The following TBC1D5 variants were observed in gnomAD, a reference collection of about 807,000 sequenced individuals.
The protein encoded by TBC1D5 is TBC1 domain family, member 5.
In TBC1D5, 75 loss-of-function variants were observed where a neutral mutation model predicts 100.3. The observed-to-expected ratio is 0.75, with a 90% confidence interval of 0.62 to 0.91. The LOEUF is 0.91. Ranked by LOEUF, TBC1D5 falls within the 40% of genes least tolerant of loss-of-function variation. TBC1D5 has a pLI of 0.00. For missense variants in TBC1D5, 910 were observed against 942.4 expected (o/e 0.97, Z 0.45); for synonymous variants, 323 against 325.6 (o/e 0.99, Z 0.09).
intron 18 of TBC1D5, among the ~76,000 whole-genome samples, chr3:17,199,493 T>C (rs1391229119): frequency 2.6e-5 from 4 of 152,248 alleles, no homozygotes; most frequent in Non-Finnish European, 4.4e-5. Flanking sequence ...TGAATAACAG[T>C]TGCATGTAGA....
chr3:17,322,928 G>A (rs754603155), intron 13 of TBC1D5, among the ~76,000 whole-genome samples: 6 of 152,324 alleles, frequency 3.9e-5, no homozygotes, highest in Non-Finnish European at 7.4e-5. Flanking sequence ...AGGTGCCATC[G>A]TGCCTTAGCA....
exon 7 of TBC1D5, chr3:17,404,761 G>A: frequency 1.2e-6 from 2 of 1,605,868 alleles, no homozygotes; most frequent in Non-Finnish European, 1.7e-6. Flanking sequence ...CCTCGGGTTG[G>A]TAATATGCTA....
At chr3:17,492,681 C>A (rs2095654008) in intron 3 of TBC1D5, among the ~76,000 whole-genome samples, 2 of 152,182 alleles carry the variant, frequency 1.3e-5, no homozygotes, top group African/African-American at 4.8e-5. Flanking sequence ...AGTGATCTGT[C>A]AACTTTGGCC....
chr3:17,405,854 C>A lies in TBC1D5; in HGVS notation c.276+564G>T, dbSNP rs535013427. 4.6e-5 allele frequency among the ~76,000 whole-genome samples: 7 copies of A among 151,964 alleles called. No individual in the cohort carries two copies. The South Asian group carries it at 1.0e-3, about 23-fold the overall frequency. ...CCTAAATAAATTCATGTTTAGAAAA[C>A]AAAAACAAATAATATTTCAAAGCAA... On this transcript the variant is annotated intron_variant, in intron 5 of 21. Transcript: ENST00000253692.
At chr3:17,235,137 A>T (rs898842727) in intron 17 of TBC1D5, among the ~76,000 whole-genome samples, 11 of 152,166 alleles carry the variant, frequency 7.2e-5, no homozygotes, top group African/African-American at 2.7e-4. Flanking sequence ...TCATTTTAAC[A>T]TTAAATATCA....
At chr3:17,534,733 G>C (rs1355561883) in intron 2 of TBC1D5, among the ~76,000 whole-genome samples, 1 of 152,148 alleles carries the variant, frequency 6.6e-6, no homozygotes, top group Admixed American at 6.6e-5. Flanking sequence ...TCCCATGTAG[G>C]AATCAGATAT....
At chr3:17,695,626 T>G (rs542857082) in intron 1 of TBC1D5, among the ~76,000 whole-genome samples, 1 of 152,162 alleles carries the variant, frequency 6.6e-6, no homozygotes, top group Admixed American at 6.5e-5. Flanking sequence ...CAAAGAGACT[T>G]AGACTCCCAC....
intron 1 of TBC1D5, among the ~76,000 whole-genome samples, chr3:17,659,358 C>T (rs370547915): frequency 6.6e-6 from 1 of 151,446 alleles, no homozygotes; most frequent in African/African-American, 2.4e-5. Flanking sequence ...TAAGATCTAA[C>T]CAGAATAAGA....
intron 1 of TBC1D5, among the ~76,000 whole-genome samples, chr3:17,644,959 T>C (rs1007118654): frequency 2.0e-5 from 3 of 151,844 alleles, no homozygotes; most frequent in African/African-American, 4.9e-5. Context: ...AAAACACTCT[T>C]GGTCTAAAGC....
chr3:17,594,335 A>G (rs932606652), intron 2 of TBC1D5, among the ~76,000 whole-genome samples: 1 of 152,192 alleles, frequency 6.6e-6, no homozygotes, highest in Non-Finnish European at 1.5e-5. Flanking sequence ...TCAATGGGAA[A>G]CAGCTCAATC....
At chr3:17,378,758 TAC>T (rs1227108283) in intron 9 of TBC1D5, among the ~76,000 whole-genome samples, 3 of 147,992 alleles carry the variant, frequency 2.0e-5, no homozygotes, top group African/African-American at 7.3e-5. Context: ...TAGGAAAGAA[TAC>T]AGTTTCCTTT....
rs187651831 is a variant in TBC1D5 at position 17,570,830 on chromosome 3, T to G, written c.-36+53019A>C. Among the ~76,000 whole-genome samples the G allele has an allele frequency of 2.6e-5, 4 of 152,038 alleles. No individual in the cohort carries two copies. The East Asian group carries it at 7.7e-4, about 29-fold the overall frequency. On this transcript the variant is annotated intron_variant, in intron 2 of 21. Coordinates refer to ENST00000253692, the Ensembl canonical transcript of TBC1D5. ...CATCTTATTACATTATTGTAATTATTAAAGTTATTGTTGCAACCTCTAAGT... is the reference window on the plus strand; with the variant it reads ...CATCTTATTACATTATTGTAATTATGAAAGTTATTGTTGCAACCTCTAAGT...
intron 2 of TBC1D5, among the ~76,000 whole-genome samples, chr3:17,557,005 T>C (rs2096526462): frequency 6.6e-6 from 1 of 152,094 alleles, no homozygotes; most frequent in Non-Finnish European, 1.5e-5. Flanking sequence ...AAAATTCATG[T>C]CACACAACCT....
chr3:17,318,797 A>G (rs1348483493), intron 13 of TBC1D5, among the ~76,000 whole-genome samples: 1 of 152,200 alleles, frequency 6.6e-6, no homozygotes, highest in African/African-American at 2.4e-5. Flanking sequence ...CATAGTATCT[A>G]CTATTGCTAT....
At chr3:17,678,134 G>T (rs897882475) in intron 1 of TBC1D5, among the ~76,000 whole-genome samples, 1 of 152,018 alleles carries the variant, frequency 6.6e-6, no homozygotes, top group African/African-American at 2.4e-5. Flanking sequence ...GAACTTAAAA[G>T]TATAATTTAA....
intron 4 of TBC1D5, among the ~76,000 whole-genome samples, chr3:17,423,470 A>T (rs1011957471): frequency 8.5e-5 from 13 of 152,130 alleles, no homozygotes; most frequent in Non-Finnish European, 5.9e-5. Context: ...TTGTTTTTTA[A>T]TTCAACACCA....
intron 1 of TBC1D5, among the ~76,000 whole-genome samples, chr3:17,726,726 CTTT>C (rs2076158560): frequency 6.6e-6 from 1 of 152,098 alleles, no homozygotes; most frequent in East Asian, 1.9e-4. Context: ...AAGAATAAAC[CTTT>C]TTAATATATT....
At chr3:17,296,867 T>A (rs1276587189) in intron 14 of TBC1D5, among the ~76,000 whole-genome samples, 1 of 152,256 alleles carries the variant, frequency 6.6e-6, no homozygotes, top group Non-Finnish European at 1.5e-5. Flanking sequence ...AATTTCACTT[T>A]TAGGAAAGAG....
chr3:17,456,155 T>G (rs1027871555), intron 3 of TBC1D5, among the ~76,000 whole-genome samples: 1 of 152,036 alleles, frequency 6.6e-6, no homozygotes, highest in African/African-American at 2.4e-5. Context: ...AATAAAAACA[T>G]GATTAAAGAC....
Sources: allele counts gnomAD v4.1 joint callset (sites outside exome capture counted in the v4.1 genomes callset), GRCh38; gene constraint gnomAD v4.1.1; transcripts MANE v1.5; gene names NCBI Gene and HGNC (gene_info 2026-07-23, HGNC 2026-07-21).